Variants in LRP1B observed in about 807,000 individuals in gnomAD.
LRP1B encodes the protein LDL receptor related protein 1B.
In LRP1B, 217 loss-of-function variants were observed where a neutral mutation model predicts 556.6. The ratio of observed to expected loss-of-function variants is 0.39; its 90% confidence interval spans 0.35 to 0.44. The LOEUF is 0.44. Ranked by LOEUF, LRP1B falls within the 20% of genes least tolerant of loss-of-function variation. The pLI, the probability that LRP1B is intolerant of heterozygous loss-of-function variation, is 1.00. For missense variants in LRP1B, 5,053 were observed against 5,620.8 expected (o/e 0.90, Z 3.23); for synonymous variants, 2,047 against 1,865.8 (o/e 1.10, Z -2.50).
At chr2:141,998,635 T>C (rs1394261838) in intron 1 of LRP1B, among the ~76,000 whole-genome samples, 3 of 152,186 alleles carry the variant, frequency 2.0e-5, no homozygotes, top group African/African-American at 4.8e-5. Flanking sequence ...CATGTGTCCA[T>C]AGTGGTCAGG....
intron 43 of LRP1B, among the ~76,000 whole-genome samples, chr2:140,552,410 C>T (rs1321249954): frequency 2.6e-5 from 4 of 152,060 alleles, no homozygotes; most frequent in Non-Finnish European, 4.4e-5. Context: ...TTTACTTCTG[C>T]TGACATAGAG....
intron 3 of LRP1B, among the ~76,000 whole-genome samples, chr2:141,436,155 A>G (rs1488389398): frequency 6.6e-6 from 1 of 152,224 alleles, no homozygotes; most frequent in Non-Finnish European, 1.5e-5. Context: ...TATACATTCA[A>G]GGTGTACATG....
At chr2:140,959,180 G>T (rs144404461) in intron 18 of LRP1B, among the ~76,000 whole-genome samples, 1 of 151,296 alleles carries the variant, frequency 6.6e-6, no homozygotes, top group African/African-American at 2.4e-5. Flanking sequence ...AAAGTTTTAT[G>T]CAACTTTTCC....
At chr2:140,612,641 T>C (rs1356493842) in intron 41 of LRP1B, among the ~76,000 whole-genome samples, 1 of 152,156 alleles carries the variant, frequency 6.6e-6, no homozygotes, top group Non-Finnish European at 1.5e-5. Context: ...ATTTAATCTT[T>C]GTTTGAAACT....
chr2:142,011,499 A>T (rs572989782), intron 1 of LRP1B, among the ~76,000 whole-genome samples: 1 of 152,306 alleles, frequency 6.6e-6, no homozygotes, highest in Non-Finnish European at 1.5e-5. Context: ...ATAAGGAATG[A>T]GCTTCAGGTG....
intron 1 of LRP1B, among the ~76,000 whole-genome samples, chr2:141,899,536 G>A (rs1353120911): frequency 6.6e-6 from 1 of 152,070 alleles, no homozygotes; most frequent in Non-Finnish European, 1.5e-5. Flanking sequence ...TCAGGTGAGA[G>A]CTAGCTTTTG....
intron 7 of LRP1B, among the ~76,000 whole-genome samples, chr2:141,169,625 G>A (rs1680412757): frequency 6.6e-6 from 1 of 151,716 alleles, no homozygotes; most frequent in Non-Finnish European, 1.5e-5. Flanking sequence ...AAGAAAATCT[G>A]TCCTTTGTTA....
chr2:141,778,776 T>C (rs1414592794), intron 2 of LRP1B, among the ~76,000 whole-genome samples: 4 of 152,206 alleles, frequency 2.6e-5, no homozygotes, highest in Admixed American at 2.0e-4. Flanking sequence ...GACAGACACT[T>C]TTTTTTCTTT....
chr2:141,415,959 A>G (rs1178067059), intron 3 of LRP1B, among the ~76,000 whole-genome samples: 1 of 152,230 alleles, frequency 6.6e-6, no homozygotes, highest in Non-Finnish European at 1.5e-5. Context: ...TTAAGAATAC[A>G]TAAAAAGTTA....
chr2:140,311,242 G>A (rs1182751041), intron 83 of LRP1B, among the ~76,000 whole-genome samples: 1 of 151,760 alleles, frequency 6.6e-6, no homozygotes, highest in African/African-American at 2.4e-5. Context: ...GTTTATAACA[G>A]CAATATTCAC....
At chr2:141,131,114 C>T (rs1274154719) in intron 7 of LRP1B, among the ~76,000 whole-genome samples, 1 of 151,966 alleles carries the variant, frequency 6.6e-6, no homozygotes, top group African/African-American at 2.4e-5. Context: ...ACATGTTCTG[C>T]ACTTGTATCC....
chr2:141,592,364 G>T (rs1687371766), intron 2 of LRP1B, among the ~76,000 whole-genome samples: 1 of 152,092 alleles, frequency 6.6e-6, no homozygotes, highest in African/African-American at 2.4e-5. Flanking sequence ...CCTGCATTTT[G>T]GTTTCATAGG....
intron 2 of LRP1B, among the ~76,000 whole-genome samples, chr2:141,560,443 T>C (rs1232375804): frequency 6.6e-6 from 1 of 151,742 alleles, no homozygotes; most frequent in Non-Finnish European, 1.5e-5. Context: ...GTATATATCC[T>C]GTAGACGTTG....
intron 3 of LRP1B, among the ~76,000 whole-genome samples, chr2:141,401,315 T>C (rs1268948576): frequency 6.6e-6 from 1 of 152,206 alleles, no homozygotes; most frequent in Non-Finnish European, 1.5e-5. Flanking sequence ...GTCACCAATA[T>C]TATTATTACT....
At chr2:141,022,497 C>T (rs1170866563) in intron 11 of LRP1B, among the ~76,000 whole-genome samples, 1 of 151,894 alleles carries the variant, frequency 6.6e-6, no homozygotes, top group Non-Finnish European at 1.5e-5. Flanking sequence ...ATTCTGCTTC[C>T]ACATTATTTG....
intron 45 of LRP1B, 102 bp from the exon 46 acceptor site, chr2:140,536,811 A>T: frequency 1.3e-6 from 1 of 782,434 alleles, no homozygotes; most frequent in Non-Finnish European, 2.0e-6. Flanking sequence ...AGATAAACTA[A>T]AATTTATCAA....
At chr2:140,401,671 A>G (rs1236911970) in intron 66 of LRP1B, among the ~76,000 whole-genome samples, 1 of 152,186 alleles carries the variant, frequency 6.6e-6, no homozygotes, top group Non-Finnish European at 1.5e-5. Context: ...TCCCCTGGGC[A>G]ACATAGAGCA....
chr2:141,836,655 G>C (rs1000884892), intron 1 of LRP1B, among the ~76,000 whole-genome samples: 10 of 151,914 alleles, frequency 6.6e-5, no homozygotes, highest in African/African-American at 2.4e-4. Context: ...TTGTATTACT[G>C]TCACACACTC....
intron 7 of LRP1B, among the ~76,000 whole-genome samples, chr2:141,082,741 T>C (rs73964047): frequency 0.013 from 2,000 of 152,226 alleles, 56 homozygotes; most frequent in African/African-American, 0.046. Flanking sequence ...GTTTTTCTTA[T>C]AGAAATGCAA....
Sources: gnomAD v4.1 joint callset for allele counts (sites outside exome capture counted in the v4.1 genomes callset) on GRCh38, gnomAD v4.1.1 for gene constraint, MANE v1.5 for transcripts, NCBI Gene and HGNC (gene_info 2026-07-23, HGNC 2026-07-21) for gene names.